The following WDR72 variants were observed in gnomAD, a reference collection of about 807,000 sequenced individuals.
WDR72 encodes WD repeat-containing protein 72.
A neutral mutation model predicts 124.2 loss-of-function variants in WDR72; 120 were observed. The ratio of observed to expected loss-of-function variants is 0.97; its 90% confidence interval spans 0.83 to 1.12. The LOEUF (loss-of-function observed/expected upper bound fraction) is 1.12. WDR72 is among the 50% of genes most tolerant of loss of function. The pLI is 0.00. For synonymous variants in WDR72, 452 were observed against 441.7 expected, an observed-to-expected ratio of 1.02 and a Z score of -0.29; for missense variants, 1,387 against 1,278.8, an observed-to-expected ratio of 1.08 and a Z score of -1.29.
intron 11 of WDR72, 48 bp from the exon 12 acceptor site, chr15:53,702,402 G>GA: frequency 6.8e-7 from 1 of 1,471,368 alleles, no homozygotes; most frequent in Non-Finnish European, 9.5e-7. Context: ...TTTTTGTTCA[G>GA]AAAATCGTCC....
chr15:53,643,755 T>C (rs1010105293), intron 14 of WDR72, among the ~76,000 whole-genome samples: 1 of 151,902 alleles, frequency 6.6e-6, no homozygotes, highest in Non-Finnish European at 1.5e-5. Context: ...CGTGTGTGTG[T>C]AGAAAGAGAA....
intron 1 of WDR72, among the ~76,000 whole-genome samples, chr15:53,738,586 T>G (rs1595883447): frequency 2.0e-5 from 3 of 151,822 alleles, no homozygotes; most frequent in African/African-American, 7.3e-5. Flanking sequence ...TTTTTTTTGT[T>G]TTTGTTTGTT....
In WDR72 at chr15:53,726,264, G is replaced by GTGTATATATATATATATATA. The variant is rs1555428779; in HGVS notation, c.154-3357_154-3356insTATATATATATATATATACA. ...TGTGTGTATATATATATGTATGTGT[G>GTGTATATATATATATATATA]TATATATATATATATATATATACAC... On this transcript the variant is annotated intron_variant, in intron 2 of 19. Coordinates refer to ENST00000360509, the MANE Select transcript of WDR72 (RefSeq NM_182758.4). Among the ~76,000 whole-genome samples, 114 of 110,348 alleles carry GTGTATATATATATATATATA rather than the reference G, an allele frequency of 1.0e-3. 1 individual carries two copies. Among genetic ancestry groups the GTGTATATATATATATATATA allele is most frequent in the African/African-American group, 5.0e-3 (110 of 21,962 alleles). The allele number at this position is 110,348 out of a possible 152,430, so 72.4% of individuals were successfully genotyped here. A position where few individuals can be genotyped will look rare whatever the true frequency, so the allele number is the denominator to read the frequency against.
intron 17 of WDR72, among the ~76,000 whole-genome samples, chr15:53,599,113 GTA>G (rs146874721): frequency 3.0e-4 from 45 of 149,628 alleles, no homozygotes; most frequent in Non-Finnish European, 2.5e-4. Flanking sequence ...GACAAATATG[GTA>G]TATATATATA....
chr15:53,650,255 GA>G (rs2015185135), intron 14 of WDR72, among the ~76,000 whole-genome samples: 2 of 152,122 alleles, frequency 1.3e-5, no homozygotes, highest in East Asian at 3.9e-4. Flanking sequence ...TAGAATCGAA[GA>G]GTGGAATTGT....
At position 53,665,608 on chromosome 15, in the gene WDR72, T is replaced by C; in HGVS notation, c.1926A>G (p.Leu642=). The C allele has an allele frequency of 6.2e-7, 1 of 1,613,904 alleles. No homozygotes were observed. Among genetic ancestry groups the C allele is most frequent in the Non-Finnish European group, 8.5e-7 (1 of 1,179,834 alleles). The change falls in exon 14 of 20, where the codon TTA becomes TTG. Residue 642 remains leucine, a synonymous_variant. Transcript: ENST00000360509. ...ACTCCACCTGCAGACCAGGGCAAGG[T>C]AATGGCCCAAGCTGGTAGGGGCTGG... ...RSSSPYQLGP[L]PCPGLQVESS...
At chr15:53,522,260 CT>C (rs1891845855) in intron 19 of WDR72, among the ~76,000 whole-genome samples, 1 of 152,130 alleles carries the variant, frequency 6.6e-6, no homozygotes, top group South Asian at 2.1e-4. Flanking sequence ...CAGCTGCCCC[CT>C]GTCAACAAAG....
intron 2 of WDR72, among the ~76,000 whole-genome samples, chr15:53,729,815 G>A (rs983442031): frequency 1.4e-4 from 21 of 147,650 alleles, no homozygotes; most frequent in Admixed American, 7.9e-4. Context: ...AAAAAATAAA[G>A]TAACTAGCAC....
chr15:53,630,745 C>T (rs533338999), intron 14 of WDR72, among the ~76,000 whole-genome samples: 1 of 152,176 alleles, frequency 6.6e-6, no homozygotes, highest in East Asian at 1.9e-4. Flanking sequence ...AAATCCACAC[C>T]TAACATAATA....
chr15:53,601,320 A>G (rs938205710), intron 17 of WDR72, among the ~76,000 whole-genome samples: 1 of 152,150 alleles, frequency 6.6e-6, no homozygotes, highest in Non-Finnish European at 1.5e-5. Context: ...AAGGAAATTC[A>G]TTACCACCGG....
At chr15:53,602,574 T>A (rs2013092118) in intron 17 of WDR72, among the ~76,000 whole-genome samples, 2 of 150,640 alleles carry the variant, frequency 1.3e-5, no homozygotes, top group African/African-American at 2.4e-5. Context: ...TAAAATAAAA[T>A]AAAATAGATC....
At chr15:53,585,607 G>C (rs1397379480) in intron 18 of WDR72, among the ~76,000 whole-genome samples, 1 of 152,002 alleles carries the variant, frequency 6.6e-6, no homozygotes, top group Admixed American at 6.6e-5. Flanking sequence ...TATTTCAGCA[G>C]ACTCACTTAT....
chr15:53,587,498 AC>A (rs1351744489), intron 18 of WDR72, among the ~76,000 whole-genome samples: 1 of 152,028 alleles, frequency 6.6e-6, no homozygotes, highest in Non-Finnish European at 1.5e-5. Flanking sequence ...AGGATTTTGC[AC>A]ATAATACTTT....
At chr15:53,570,445 C>T (rs955071961) in intron 18 of WDR72, among the ~76,000 whole-genome samples, 1 of 151,996 alleles carries the variant, frequency 6.6e-6, no homozygotes, top group Non-Finnish European at 1.5e-5. Context: ...ACAGACACTT[C>T]TCAAAAGAAG....
intron 18 of WDR72, among the ~76,000 whole-genome samples, chr15:53,529,164 A>ATATAT (rs59003623): frequency 2.0e-4 from 16 of 78,150 alleles, no homozygotes; most frequent in Admixed American, 1.2e-3. Context: ...ATATATATAT[A>ATATAT]TTTTTTTTTT....
Position 53,610,152 on chromosome 15 carries a change from A to G in WDR72, c.2873-560T>C, listed in dbSNP as rs577634674. ...TTTAATTTAACTCATTCTGTTATGTATTATTTCTTCTCTGTTTGCCCTCTC... is the reference window on the plus strand; with the variant it reads ...TTTAATTTAACTCATTCTGTTATGTGTTATTTCTTCTCTGTTTGCCCTCTC... On this transcript the variant is annotated intron_variant, in intron 16 of 19. Transcript: ENST00000360509. Among the ~76,000 whole-genome samples, 7 of 152,124 alleles carry G rather than the reference A, an allele frequency of 4.6e-5. No homozygotes were observed. The South Asian group carries it at 1.5e-3, about 32-fold the overall frequency.
intron 18 of WDR72, among the ~76,000 whole-genome samples, chr15:53,593,395 T>C (rs1486246116): frequency 1.3e-5 from 2 of 152,074 alleles, no homozygotes; most frequent in Non-Finnish European, 2.9e-5. Context: ...TTTAGTAATT[T>C]TGTGTCTGTA....
At chr15:53,739,408 C>A (rs554721658) in intron 1 of WDR72, among the ~76,000 whole-genome samples, 58 of 152,298 alleles carry the variant, frequency 3.8e-4, no homozygotes, top group Non-Finnish European at 7.2e-4. Context: ...CCTCTGATGG[C>A]AACCACCTGT....
chr15:53,615,368 T>A, intron 15 of WDR72, 58 bp downstream of exon 15: 1 of 1,337,870 alleles, frequency 7.5e-7, no homozygotes, highest in Non-Finnish European at 1.0e-6. Context: ...TAGCAAATAA[T>A]GATATATATT....
Sources: allele counts gnomAD v4.1 joint callset (sites outside exome capture counted in the v4.1 genomes callset), GRCh38; gene constraint gnomAD v4.1.1; transcripts MANE v1.5; gene names NCBI Gene and HGNC (gene_info 2026-07-23, HGNC 2026-07-21).